The following CNTNAP2 variants were observed in gnomAD, a reference collection of about 807,000 sequenced individuals.
CNTNAP2 encodes the protein contactin-associated protein-like 2.
CNTNAP2 carries 98 observed loss-of-function variants against 155.2 expected under a neutral mutation model. The ratio of observed to expected loss-of-function variants is 0.63; its 90% CI spans 0.54 to 0.75. The LOEUF (loss-of-function observed/expected upper bound fraction) is 0.75, where lower values mean the gene tolerates loss of function less well. Among genes scored for constraint, CNTNAP2 ranks in the 30% least tolerant of loss-of-function variants. CNTNAP2 has a pLI of 0.00. For synonymous variants in CNTNAP2, 651 were observed against 631.2 expected, an observed-to-expected ratio of 1.03 and a Z score of -0.47; for missense variants, 1,727 against 1,688.1, an observed-to-expected ratio of 1.02 and a Z score of -0.40.
intron 11 of CNTNAP2, among the ~76,000 whole-genome samples, chr7:147,551,958 T>G (rs1160248623): frequency 6.6e-6 from 1 of 152,124 alleles, no homozygotes; most frequent in Non-Finnish European, 1.5e-5. Flanking sequence ...CACCATAAAC[T>G]ATTAACTTAG....
chr7:148,314,272 T>C (rs1413006041), intron 21 of CNTNAP2, among the ~76,000 whole-genome samples: 3 of 152,142 alleles, frequency 2.0e-5, no homozygotes, highest in African/African-American at 2.4e-5. Context: ...GAGGGACCGA[T>C]GTGTAAAAGA....
chr7:146,365,134 A>T (rs1031075809), intron 1 of CNTNAP2, among the ~76,000 whole-genome samples: 6 of 152,056 alleles, frequency 3.9e-5, no homozygotes, highest in African/African-American at 1.4e-4. Context: ...TCTTTCTTTT[A>T]TCCAACTGCC....
chr7:147,209,444 T>C (rs1803092102), intron 8 of CNTNAP2, among the ~76,000 whole-genome samples: 2 of 152,076 alleles, frequency 1.3e-5, no homozygotes, highest in Non-Finnish European at 2.9e-5. Context: ...ATTGATTTTA[T>C]ACCCTGAAAC....
At chr7:146,518,097 A>G (rs1196141992) in intron 1 of CNTNAP2, among the ~76,000 whole-genome samples, 1 of 152,072 alleles carries the variant, frequency 6.6e-6, no homozygotes, top group South Asian at 2.1e-4. Flanking sequence ...TTTTTAAACT[A>G]TGACCCATTT....
intron 8 of CNTNAP2, among the ~76,000 whole-genome samples, chr7:147,169,084 AAT>A (rs1415620243): frequency 6.6e-6 from 1 of 152,148 alleles, no homozygotes; most frequent in Non-Finnish European, 1.5e-5. Flanking sequence ...ATAAAATAAA[AAT>A]ATATGTGTTA....
chr7:146,500,602 A>G (rs1272017993), intron 1 of CNTNAP2, among the ~76,000 whole-genome samples: 1 of 152,194 alleles, frequency 6.6e-6, no homozygotes, highest in East Asian at 1.9e-4. Context: ...TCAAGCTTTA[A>G]GACCAACAGG....
At chr7:147,874,884 C>T (rs1326983634) in intron 13 of CNTNAP2, among the ~76,000 whole-genome samples, 1 of 152,200 alleles carries the variant, frequency 6.6e-6, no homozygotes, top group Non-Finnish European at 1.5e-5. Context: ...ATCTCTAGGG[C>T]AGGGGCAAAA....
Position 147,795,574 on chromosome 7 carries a change from C to A in CNTNAP2, c.2099-107991C>A, listed in dbSNP as rs576632174. 9.9e-5 allele frequency among the ~76,000 whole-genome samples: 15 copies of A among 152,034 alleles called. 1 individual carries two copies. In the South Asian group the frequency reaches 2.9e-3, roughly 29 times the overall value. On this transcript the variant is annotated intron_variant, in intron 13 of 23. Transcript: ENST00000361727. ...TCTTCCATTTTAAATTAGAAGTTAT[C>A]TGTCTAAGGTCTTCAAGGGCAAATA...
chr7:147,899,201 G>C (rs918022753), intron 13 of CNTNAP2, among the ~76,000 whole-genome samples: 1 of 152,116 alleles, frequency 6.6e-6, no homozygotes, highest in African/African-American at 2.4e-5. Flanking sequence ...TTAGCCAAGT[G>C]TGGTGGCATG....
chr7:147,798,274 G>A (rs17824644), intron 13 of CNTNAP2, among the ~76,000 whole-genome samples: 27,378 of 151,976 alleles, frequency 0.18, 2,614 homozygotes, highest in Middle Eastern at 0.27. Flanking sequence ...CCACCCAACC[G>A]AGAAATAGAT....
At chr7:146,486,082 T>G (rs1459558128) in intron 1 of CNTNAP2, among the ~76,000 whole-genome samples, 2 of 87,618 alleles carry the variant, frequency 2.3e-5, no homozygotes, top group African/African-American at 9.9e-5. Context: ...TTTTTTTTTT[T>G]GAGACAGAGT....
At chr7:146,636,897 T>C (rs568839146) in intron 1 of CNTNAP2, among the ~76,000 whole-genome samples, 4 of 152,292 alleles carry the variant, frequency 2.6e-5, no homozygotes, top group South Asian at 2.1e-4. Context: ...TCCAAACATA[T>C]ATAAAACTGA....
At chr7:147,929,222 G>GTA (rs1800455232) in intron 14 of CNTNAP2, among the ~76,000 whole-genome samples, 1 of 151,074 alleles carries the variant, frequency 6.6e-6, no homozygotes, top group African/African-American at 2.4e-5. Flanking sequence ...GTGATGACCA[G>GTA]TATGAGCTGC....
chr7:146,832,915 C>G (rs919985740), intron 2 of CNTNAP2, among the ~76,000 whole-genome samples: 7 of 151,880 alleles, frequency 4.6e-5, no homozygotes, highest in African/African-American at 7.2e-5. Context: ...AGGCTGATCT[C>G]GAACTCTTGA....
chr7:147,640,854 G>A (rs1795261598), intron 13 of CNTNAP2, among the ~76,000 whole-genome samples: 1 of 152,188 alleles, frequency 6.6e-6, no homozygotes, highest in African/African-American at 2.4e-5. Context: ...GAGGCTGGAG[G>A]AGGTGGTACC....
intron 4 of CNTNAP2, among the ~76,000 whole-genome samples, chr7:147,064,271 TTGATA>T (rs1417745746): frequency 6.6e-6 from 1 of 152,198 alleles, no homozygotes; most frequent in Non-Finnish European, 1.5e-5. Context: ...GTCAACTTAA[TTGATA>T]TATCAGAATT....
intron 11 of CNTNAP2, among the ~76,000 whole-genome samples, chr7:147,547,148 G>A (rs1799751458): frequency 6.6e-6 from 1 of 152,152 alleles, no homozygotes; most frequent in Non-Finnish European, 1.5e-5. Context: ...AGTCTAATCT[G>A]TCATAAAGTC....
At chr7:146,244,686 G>A (rs1017599594) in intron 1 of CNTNAP2, among the ~76,000 whole-genome samples, 11 of 152,032 alleles carry the variant, frequency 7.2e-5, no homozygotes, top group African/African-American at 2.7e-4. Flanking sequence ...AAACTGCTTG[G>A]CTGATTTGAC....
chr7:146,843,263 C>T (rs1485377146), intron 3 of CNTNAP2, among the ~76,000 whole-genome samples: 4 of 148,646 alleles, frequency 2.7e-5, no homozygotes, highest in Non-Finnish European at 5.9e-5. Context: ...CCACCCGCCT[C>T]GGCCTCCCAA....
Sources: gnomAD v4.1 joint callset for allele counts (sites outside exome capture counted in the v4.1 genomes callset) on GRCh38, gnomAD v4.1.1 for gene constraint, MANE v1.5 for transcripts, NCBI Gene and HGNC (gene_info 2026-07-23, HGNC 2026-07-21) for gene names.